PAK3: variants seen among roughly 807,000 people sequenced by gnomAD.
PAK3 encodes the protein p21 (RAC1) activated kinase 3, also known as serine/threonine-protein kinase PAK 3.
PAK3 carries 4 observed loss-of-function variants against 41.0 expected under a neutral mutation model. The ratio of observed to expected loss-of-function variants is 0.10; its 90% CI spans 0.05 to 0.22. PAK3 has a LOEUF of 0.22. Among genes scored for constraint, PAK3 ranks in the 10% least tolerant of loss-of-function variants. PAK3 has a pLI of 1.00. For missense variants in PAK3, 205 were observed against 409.9 expected, an observed-to-expected ratio of 0.50 and a Z score of 4.32; for synonymous variants, 146 against 139.6, an observed-to-expected ratio of 1.05 and a Z score of -0.32.
intron 1 of PAK3, among the ~76,000 whole-genome samples, chrX:111,019,690 C>CAAAA (rs147611129): frequency 1.9e-4 from 10 of 53,432 alleles, no homozygotes; most frequent in Non-Finnish European, 2.7e-4. Flanking sequence ...ACCCTGCCTC[C>CAAAA]AAAAAAAAAA....
intron 7 of PAK3, among the ~76,000 whole-genome samples, chrX:111,149,208 G>T (rs1415619268): frequency 8.9e-6 from 1 of 111,948 alleles, no homozygotes; most frequent in Non-Finnish European, 1.9e-5. Flanking sequence ...TAAGAGGTGG[G>T]TTCCCATGGT....
At position 111,067,865 on chromosome X, in the gene PAK3, C is replaced by T. The variant is rs887528972; in HGVS notation, c.-27-55212C>T. 3.6e-5 allele frequency among the ~76,000 whole-genome samples: 4 copies of T among 110,022 alleles called. No homozygotes were observed. The East Asian group carries it at 8.5e-4, about 23-fold the overall frequency. ...TCCTGTCTGTCTGATTTGGAGGAGC[C>T]GTCCATCTTGTTGTACCCTCTGGAA... On this transcript the variant is annotated intron_variant, in intron 1 of 14. Coordinates refer to the PAK3 transcript ENST00000425146.
chrX:111,118,553 A>G (rs1265826328), intron 4 of PAK3, among the ~76,000 whole-genome samples: 1 of 110,248 alleles, frequency 9.1e-6, no homozygotes, highest in East Asian at 2.9e-4. Flanking sequence ...CTCATTTGCT[A>G]TGAAAAGGGC....
chrX:111,025,355 G>T (rs1359805800), intron 1 of PAK3, among the ~76,000 whole-genome samples: 4 of 110,703 alleles, frequency 3.6e-5, no homozygotes, highest in Non-Finnish European at 7.6e-5. Flanking sequence ...ACAAAAAGCT[G>T]GTTATTTGAA....
At position 111,222,062 on chromosome X, in the gene PAK3, G is replaced by C. The variant is rs1277254163; in HGVS notation, c.*1615G>C. 8.9e-6 allele frequency: 1 copy of C among 111,940 alleles called. No homozygotes were observed. Among genetic ancestry groups the C allele is most frequent in the African/African-American group, 3.2e-5 (1 of 30,845 alleles). The allele number at this position is 111,940 out of a possible 1,213,427, so 9.2% of individuals were successfully genotyped here. On this transcript the variant is annotated 3_prime_UTR_variant, in exon 18 of 18. Coordinates refer to ENST00000372007, the MANE Select transcript of PAK3 (RefSeq NM_002578.5). ...GATATGCCTCTCTTTTGAGTGTATT[G>C]ACAATTTTGTAAATTACAGAAAGTT...
At chrX:111,031,131 A>T (rs964590588) in intron 1 of PAK3, among the ~76,000 whole-genome samples, 10 of 112,416 alleles carry the variant, frequency 8.9e-5, no homozygotes, top group Non-Finnish European at 5.6e-5. Flanking sequence ...TACCTACTGC[A>T]AGACATTTGT....
intron 8 of PAK3, among the ~76,000 whole-genome samples, chrX:111,161,877 T>C (rs2149190504): frequency 1.8e-5 from 2 of 111,629 alleles, no homozygotes; most frequent in South Asian, 3.8e-4. Context: ...AGCCTTGTAG[T>C]ATAGTTTGAA....
rs2094928833 is a variant in PAK3, at chrX:111,221,695, A to C, written c.*1248A>C. The C allele has an allele frequency of 3.6e-5, 4 of 112,006 alleles. No individual in the cohort carries two copies. Among genetic ancestry groups the C allele is most frequent in the African/African-American group, 6.5e-5 (2 of 30,905 alleles). The allele number at this position is 112,006 out of a possible 1,213,427, so 9.2% of individuals were successfully genotyped here. A position where few individuals can be genotyped will look rare whatever the true frequency, so the allele number is the denominator to read the frequency against. On this transcript the variant is annotated 3_prime_UTR_variant, in exon 18 of 18. Coordinates refer to ENST00000372007, the MANE Select transcript of PAK3 (RefSeq NM_002578.5). The stretch of plus-strand genomic sequence containing the variant: ...GAAATGGGAGGTCAGTGAAGGCTAC[A>C]TCCCAATCAATATTTGGCTCTAAGT...
At chrX:111,149,253 C>T (rs1265401528) in intron 7 of PAK3, among the ~76,000 whole-genome samples, 1 of 111,771 alleles carries the variant, frequency 8.9e-6, no homozygotes, top group Non-Finnish European at 1.9e-5. Context: ...TTGCAGGGTC[C>T]AGCCTCCCTC....
intron 4 of PAK3, among the ~76,000 whole-genome samples, chrX:111,116,512 A>T (rs1221403806): frequency 7.1e-5 from 8 of 112,185 alleles, no homozygotes; most frequent in Non-Finnish European, 1.9e-5. Context: ...TTAAGAAGTC[A>T]TTTGAAAAAT....
chrX:111,078,303 G>A (rs1366834744), intron 1 of PAK3, among the ~76,000 whole-genome samples: 3 of 107,968 alleles, frequency 2.8e-5, no homozygotes, highest in Non-Finnish European at 5.8e-5. Context: ...AAGGTTTGTG[G>A]CAACACTGCA....
At chrX:111,078,384 A>G (rs1390973490) in intron 1 of PAK3, among the ~76,000 whole-genome samples, 1 of 110,641 alleles carries the variant, frequency 9.0e-6, no homozygotes, top group Non-Finnish European at 1.9e-5. Context: ...ACACATTGGT[A>G]ATTCTCACAA....
At position 111,006,365 on chromosome X, in the gene PAK3, G is replaced by A. The variant is rs180746874; in HGVS notation, c.-28+61737G>A. 1.2e-4 allele frequency among the ~76,000 whole-genome samples: 13 copies of A among 111,698 alleles called. No homozygotes were observed. The East Asian group carries it at 2.3e-3, about 19-fold the overall frequency. The stretch of plus-strand genomic sequence containing the variant: ...GGAAATATGCACTAAAGTATCTAGC[G>A]GTGAAAGGCATGATGTCTGCAACAA... On this transcript the variant is annotated intron_variant, in intron 1 of 14. Coordinates refer to the PAK3 transcript ENST00000425146.
At chrX:111,144,929 G>C (rs1371024093) in intron 6 of PAK3, 1 of 1,006,017 alleles carries the variant, frequency 9.9e-7, no homozygotes, top group African/African-American at 1.9e-5. Context: ...AATGGTATGA[G>C]TGATATAAAT....
chrX:111,196,721 G>A, intron 16 of PAK3, 81 bp downstream of exon 16: 1 of 674,935 alleles, frequency 1.5e-6, no homozygotes, highest in East Asian at 3.3e-5. Flanking sequence ...CACCAAAAGT[G>A]ACCAGAATGG....
intron 1 of PAK3, among the ~76,000 whole-genome samples, chrX:110,969,239 G>A (rs990212642): frequency 2.0e-5 from 2 of 101,870 alleles, no homozygotes; most frequent in African/African-American, 7.2e-5. Flanking sequence ...ATTTTGCCTA[G>A]GGATGTTCAA....
In PAK3 at chrX:111,163,726, A is replaced by G. The variant is rs1401558641; in HGVS notation, c.765A>G (p.Leu255=). The G allele has an allele frequency of 8.5e-7, 1 of 1,176,420 alleles. No homozygotes were observed. Among genetic ancestry groups the G allele is most frequent in the South Asian group, 1.8e-5 (1 of 56,182 alleles). ...CAGATGAGGAGATCTTAGAGAAGCT[A>G]AGTGAGTACTTCTTGCCATGATTAC... is the stretch of plus-strand genomic sequence containing the variant. The part of the protein sequence containing the change: ...KMTDEEILEK[L]RSIVSVGDPK... The change falls in exon 10 of 18, where the codon CTA becomes CTG. Residue 255 remains leucine (L), a splice_region_variant and synonymous_variant. Transcript: ENST00000372007.
intron 1 of PAK3, among the ~76,000 whole-genome samples, chrX:111,009,784 G>A (rs749045915): frequency 8.9e-6 from 1 of 111,972 alleles, no homozygotes; most frequent in Non-Finnish European, 1.9e-5. Context: ...CAAGCACTGC[G>A]CTAAATGTGT....
At chrX:111,144,384 T>C (rs1215840311) in intron 6 of PAK3, among the ~76,000 whole-genome samples, 1 of 112,310 alleles carries the variant, frequency 8.9e-6, no homozygotes, top group South Asian at 3.7e-4. Context: ...TACATTATTC[T>C]TAAAGATGCC....
Sources: allele counts gnomAD v4.1 joint callset (sites outside exome capture counted in the v4.1 genomes callset), GRCh38; gene constraint gnomAD v4.1.1; transcripts MANE v1.5; gene names NCBI Gene and HGNC (gene_info 2026-07-23, HGNC 2026-07-21).